PCDHGA8: variants seen among roughly 807,000 people sequenced by gnomAD.
PCDHGA8 encodes the protein protocadherin gamma subfamily A, 8, also known as protocadherin gamma-A8.
PCDHGA8 carries 45 observed loss-of-function variants against 59.2 expected under a neutral mutation model. That is an observed-to-expected ratio of 0.76 (90% CI 0.60 to 0.98). PCDHGA8 has a LOEUF of 0.98. Ranked by LOEUF, PCDHGA8 falls within the 50% of genes least tolerant of loss-of-function variation. The probability of loss-of-function intolerance (pLI) is 0.00; values close to 1 mark genes in which losing one functional copy is unlikely to be tolerated. For synonymous variants in PCDHGA8, 531 were observed against 519.0 expected (o/e 1.02, Z -0.32); for missense variants, 1,257 against 1,196.2 (o/e 1.05, Z -0.75).
At chr5:141,472,000 C>T (rs935165645) in intron 1 of PCDHGA8, among the ~76,000 whole-genome samples, 3 of 151,852 alleles carry the variant, frequency 2.0e-5, no homozygotes, top group African/African-American at 4.8e-5. Flanking sequence ...ATCCCTGCAT[C>T]GTATAGGGGC....
intron 1 of PCDHGA8, among the ~76,000 whole-genome samples, chr5:141,443,695 A>G (rs1324985529): frequency 1.3e-5 from 2 of 152,272 alleles, no homozygotes; most frequent in Non-Finnish European, 2.9e-5. Context: ...TTCAAAAATT[A>G]TAGAATAACA....
At chr5:141,418,124 C>G (rs762154093) in intron 1 of PCDHGA8, 1 of 1,613,836 alleles carries the variant, frequency 6.2e-7, no homozygotes, top group African/African-American at 1.3e-5. Context: ...TGTGAAGGAC[C>G]GAATAGACCG....
intron 1 of PCDHGA8, among the ~76,000 whole-genome samples, chr5:141,482,326 G>T (rs982211258): frequency 6.6e-6 from 1 of 152,072 alleles, no homozygotes. Context: ...AAAATAAAGA[G>T]AATATCTACT....
intron 1 of PCDHGA8, chr5:141,428,329 A>G (rs928788851): frequency 4.8e-6 from 3 of 627,180 alleles, no homozygotes; most frequent in South Asian, 3.5e-5. Context: ...CTTGATTTCT[A>G]TGCTCTTCTT....
chr5:141,444,472 C>A (rs559334960), intron 1 of PCDHGA8, among the ~76,000 whole-genome samples: 2 of 151,850 alleles, frequency 1.3e-5, no homozygotes, highest in Non-Finnish European at 2.9e-5. Context: ...CGCCCGGTCG[C>A]GTACTGGATT....
At chr5:141,451,673 G>A (rs912482749) in intron 1 of PCDHGA8, among the ~76,000 whole-genome samples, 4 of 152,164 alleles carry the variant, frequency 2.6e-5, no homozygotes, top group African/African-American at 7.2e-5. Context: ...CTTGAGCCCA[G>A]GAGTTCAAGA....
At chr5:141,400,332 T>TC (rs772688780) in intron 1 of PCDHGA8, 6 of 1,613,994 alleles carry the variant, frequency 3.7e-6, no homozygotes, top group South Asian at 3.3e-5. Flanking sequence ...GACCTGTGGT[T>TC]CCCCCCAACT....
rs757797019 is a variant in PCDHGA8 at position 141,487,064 on chromosome 5, G to A, written c.2425-7743G>A. On this transcript the variant is annotated intron_variant, in intron 1 of 3. Transcript: ENST00000398604. The surrounding 1 kb of genome is among the most constrained non-coding windows in gnomAD (Gnocchi z 5.0). The stretch of plus-strand genomic sequence containing the variant: ...TCGATATGCTGGGGAGGTGCGGACG[G>A]CTGTTCCTATCCCAGCTGACCTCCC... 6.2e-6 allele frequency: 10 copies of A among 1,614,006 alleles called. No individual in the cohort carries two copies.
At chr5:141,463,103 A>G (rs1235750988) in intron 1 of PCDHGA8, among the ~76,000 whole-genome samples, 1 of 152,206 alleles carries the variant, frequency 6.6e-6, no homozygotes, top group African/African-American at 2.4e-5. Context: ...GTGACCATCA[A>G]GAATTCAGCT....
rs1344998245 is a variant in PCDHGA8 at position 141,400,678 on chromosome 5, T to C, written c.2424+5441T>C. 7.9e-6 allele frequency: 7 copies of C among 881,884 alleles called. No homozygotes were observed. The East Asian group carries it at 1.5e-4, about 19-fold the overall frequency. The allele number at this position is 881,884 out of a possible 1,614,324, so 54.6% of individuals were successfully genotyped here. On this transcript the variant is annotated intron_variant, in intron 1 of 3. Coordinates refer to ENST00000398604, the MANE Select transcript of PCDHGA8 (RefSeq NM_032088.2). ...ACCATTCTTTAAGAGGAGCAGTAAA[T>C]TGTGAGTTTTTATGTCGCATAAAAG...
At chr5:141,409,700 G>C (rs1561722120) in intron 1 of PCDHGA8, 4 of 1,613,280 alleles carry the variant, frequency 2.5e-6, no homozygotes, top group Non-Finnish European at 3.4e-6. Context: ...AGAGCCCCTG[G>C]CGGTGTCGTC....
chr5:141,414,576 G>A, intron 1 of PCDHGA8: 1 of 1,613,898 alleles, frequency 6.2e-7, no homozygotes, highest in Non-Finnish European at 8.5e-7. Context: ...ATATCCCAGA[G>A]AACAACGCCA....
At chr5:141,458,058 C>T (rs997664641) in intron 1 of PCDHGA8, among the ~76,000 whole-genome samples, 3 of 152,196 alleles carry the variant, frequency 2.0e-5, no homozygotes, top group Non-Finnish European at 4.4e-5. Context: ...TCTTGCTGCA[C>T]TGATGCGAAC....
At chr5:141,507,852 T>C (rs556569001) in intron 3 of PCDHGA8, among the ~76,000 whole-genome samples, 25 of 152,118 alleles carry the variant, frequency 1.6e-4, no homozygotes, top group Non-Finnish European at 2.6e-4. Context: ...CTGCTCTCAC[T>C]TTCACACCCG....
At position 141,491,960 on chromosome 5, in the gene PCDHGA8, A is replaced by T. The variant is rs1380758016; in HGVS notation, c.2425-2847A>T. The T allele has an allele frequency of 1.0e-6, 1 of 984,842 alleles. No individual in the cohort carries two copies. The highest frequency in any genetic ancestry group is 3.0e-5 in the East Asian group (1 of 33,312). 61.0% of individuals were successfully genotyped at this position (984,842 alleles called of 1,614,324 possible). A position where few individuals can be genotyped will look rare whatever the true frequency, so the allele number is the denominator to read the frequency against. On this transcript the variant is annotated intron_variant, in intron 1 of 3. Coordinates refer to ENST00000398604, the MANE Select transcript of PCDHGA8 (RefSeq NM_032088.2). The surrounding 1 kb of genome is among the most constrained non-coding windows in gnomAD (Gnocchi z 6.9). ...CGACCCCCACCCCTACACTCAAAAA[A>T]GGCCGGGGCCTCCTTCGAGCTTCCG...
chr5:141,418,064 A>T, intron 1 of PCDHGA8: 1 of 1,614,006 alleles, frequency 6.2e-7, no homozygotes, highest in Non-Finnish European at 8.5e-7. Flanking sequence ...GCTGCGAGTG[A>T]GCGCGGAGAA....
chr5:141,432,586 C>G lies in PCDHGA8; in HGVS notation c.2424+37349C>G. 6.2e-7 allele frequency: 1 copy of G among 1,613,852 alleles called. No homozygotes were observed. The highest frequency in any genetic ancestry group is 8.5e-7 in the Non-Finnish European group (1 of 1,179,972). On this transcript the variant is annotated intron_variant, in intron 1 of 3. Transcript: ENST00000398604. The surrounding 1 kb of genome is among the most constrained non-coding windows in gnomAD (Gnocchi z 6.0). ...ACGCCTGGCTGTCCTACCGTCTGCT[C>G]AAGGCCAGCGAGCCGGGACTCTTCT...
intron 1 of PCDHGA8, among the ~76,000 whole-genome samples, chr5:141,407,428 G>A (rs1211459456): frequency 6.6e-6 from 1 of 151,524 alleles, no homozygotes; most frequent in Non-Finnish European, 1.5e-5. Context: ...AATGTCTCTT[G>A]CCCTTAAAAC....
At chr5:141,417,027 GGT>G (rs1491367168) in intron 1 of PCDHGA8, 2 of 134,514 alleles carry the variant, frequency 1.5e-5, no homozygotes, top group Non-Finnish European at 3.1e-5. Flanking sequence ...GAAAAATACA[GGT>G]TTTTTTTTTA....
Sources: allele counts gnomAD v4.1 joint callset (sites outside exome capture counted in the v4.1 genomes callset), GRCh38; gene constraint gnomAD v4.1.1; non-coding constraint Gnocchi (gnomAD v3.1); transcripts MANE v1.5; gene names NCBI Gene and HGNC (gene_info 2026-07-23, HGNC 2026-07-21).